NAV3: variants seen among roughly 807,000 people sequenced by gnomAD.
The protein encoded by NAV3 is pore membrane and/or filament interacting like protein 1.
NAV3 carries 87 observed loss-of-function variants against 244.7 expected under a neutral mutation model. The observed-to-expected ratio is 0.36, with a 90% confidence interval of 0.30 to 0.42. The LOEUF is 0.42. Among genes scored for constraint, NAV3 ranks in the 20% least tolerant of loss-of-function variants. The probability of loss-of-function intolerance (pLI) is 1.00; values close to 1 mark genes in which losing one functional copy is unlikely to be tolerated. For missense variants in NAV3, 2,663 were observed against 2,893.3 expected (o/e 0.92, Z 1.83); for synonymous variants, 1,126 against 1,042.2 (o/e 1.08, Z -1.55).
intron 2 of NAV3, among the ~76,000 whole-genome samples, chr12:77,822,020 AT>A (rs1192464773): frequency 6.6e-6 from 1 of 151,730 alleles, no homozygotes; most frequent in Non-Finnish European, 1.5e-5. Context: ...CCAGATGTGT[AT>A]TTTTTTTCAC....
chr12:77,838,171 T>C (rs956560034), intron 1 of NAV3, among the ~76,000 whole-genome samples: 2 of 152,258 alleles, frequency 1.3e-5, no homozygotes, highest in Admixed American at 1.3e-4. Context: ...GTTATAACTC[T>C]CCAGGTTTCA....
intron 22 of NAV3, among the ~76,000 whole-genome samples, chr12:78,155,028 A>C (rs184608629): frequency 1.1e-4 from 16 of 152,118 alleles, no homozygotes; most frequent in African/African-American, 3.9e-4. Context: ...TTTTTCTTCA[A>C]CTTTTAAGTT....
intron 2 of NAV3, among the ~76,000 whole-genome samples, chr12:77,629,240 A>G (rs1242362331): frequency 6.6e-6 from 1 of 152,236 alleles, no homozygotes; most frequent in Non-Finnish European, 1.5e-5. Context: ...ACTGGCTTGG[A>G]CATAAGTATT....
At chr12:77,900,580 G>C (rs761878022) in intron 1 of NAV3, among the ~76,000 whole-genome samples, 2 of 152,144 alleles carry the variant, frequency 1.3e-5, no homozygotes, top group African/African-American at 2.4e-5. Context: ...GTATGTGTGT[G>C]TGTGTGTGTA....
At chr12:77,599,631 G>GAT (rs1393180674) in intron 2 of NAV3, among the ~76,000 whole-genome samples, 1 of 151,624 alleles carries the variant, frequency 6.6e-6, no homozygotes, top group African/African-American at 2.4e-5. Context: ...ATATATGTGT[G>GAT]ATATATATGT....
At chr12:77,926,129 T>A (rs149882843) in intron 1 of NAV3, among the ~76,000 whole-genome samples, 327 of 152,296 alleles carry the variant, frequency 2.1e-3, no homozygotes, top group African/African-American at 7.5e-3. Flanking sequence ...TCACAGAGGC[T>A]CTTAAACACA....
chr12:77,666,348 A>T (rs528062263), intron 2 of NAV3, among the ~76,000 whole-genome samples: 1 of 152,274 alleles, frequency 6.6e-6, no homozygotes, highest in South Asian at 2.1e-4. Flanking sequence ...CATAGTAGAC[A>T]TGCAACAGAT....
At position 77,831,630 on chromosome 12, in the gene NAV3, G is replaced by A. The variant is rs2136078625; in HGVS notation, c.169G>A (p.Ala57Thr). The change falls in exon 1 of 40, where the codon GCG becomes ACG. Residue 57 changes from alanine to threonine, a missense_variant. This residue lies in a region of NAV3 where 1,521 missense variants were observed against 1,497.0 expected (regional missense o/e 1.02). Transcript: ENST00000397909. ...GAGCTCCATGCTTTCTTGTCAGCTT[G>A]CGTTAAAATCAACCTGTGAATTTGG... ...TESSMLSCQL[A>T]LKSTCEFGEK... 6.2e-7 allele frequency: 1 copy of A among 1,613,984 alleles called. No individual in the cohort carries two copies. Among genetic ancestry groups the A allele is most frequent in the Non-Finnish European group, 8.5e-7 (1 of 1,179,956 alleles).
chr12:78,005,261 A>C (rs1416714916), intron 7 of NAV3, among the ~76,000 whole-genome samples: 1 of 152,226 alleles, frequency 6.6e-6, no homozygotes, highest in Non-Finnish European at 1.5e-5. Flanking sequence ...ATTTGAAGCA[A>C]ACTGCTAAAC....
intron 26 of NAV3, 44 bp from the exon 27 acceptor site, chr12:78,177,097 C>T: frequency 6.2e-7 from 1 of 1,609,216 alleles, no homozygotes; most frequent in East Asian, 2.2e-5. Flanking sequence ...AAAAGCTCTC[C>T]AAGTGCAAAT....
intron 5 of NAV3, among the ~76,000 whole-genome samples, chr12:77,986,314 A>T (rs573822892): frequency 6.6e-6 from 1 of 152,340 alleles, no homozygotes; most frequent in South Asian, 2.1e-4. Context: ...GTGAGCCGAG[A>T]TCGTGCCACT....
At chr12:77,610,661 GA>G (rs1870870415) in intron 2 of NAV3, among the ~76,000 whole-genome samples, 2 of 151,992 alleles carry the variant, frequency 1.3e-5, no homozygotes, top group Non-Finnish European at 2.9e-5. Flanking sequence ...TCCATTTATT[GA>G]CACTCAGAAT....
intron 2 of NAV3, among the ~76,000 whole-genome samples, chr12:77,809,132 G>GCTAGA (rs1592702293): frequency 6.6e-6 from 1 of 152,210 alleles, no homozygotes; most frequent in Non-Finnish European, 1.5e-5. Flanking sequence ...GATCTGCTGA[G>GCTAGA]CTAGACCACT....
At chr12:78,098,718 G>GTT (rs139254152) in intron 12 of NAV3, among the ~76,000 whole-genome samples, 4 of 150,778 alleles carry the variant, frequency 2.7e-5, no homozygotes, top group Middle Eastern at 3.4e-3. Flanking sequence ...ATTTGAAACT[G>GTT]GTTTTTTTTT....
rs1593205973 is a variant in NAV3 at position 77,988,237 on chromosome 12, C to T, written c.672-6566C>T. ...TCTGAGGTTCTATATTTCTAACAAGCCCCAGGTGATGTCAGTGTTGTTGGT... is the reference window on the plus strand; with the variant it reads ...TCTGAGGTTCTATATTTCTAACAAGTCCCAGGTGATGTCAGTGTTGTTGGT... On this transcript the variant is annotated intron_variant, in intron 5 of 39. Coordinates refer to ENST00000397909, the MANE Select transcript of NAV3 (RefSeq NM_001024383.2). Among the ~76,000 whole-genome samples, 3 of 152,232 alleles carry T rather than the reference C, an allele frequency of 2.0e-5. 1 individual carries two copies. The highest frequency in any genetic ancestry group is 2.0e-4 in the Admixed American group (3 of 15,270).
chr12:78,097,785 C>G (rs973003869), intron 12 of NAV3, among the ~76,000 whole-genome samples: 2 of 152,106 alleles, frequency 1.3e-5, no homozygotes, highest in South Asian at 2.1e-4. Context: ...ACAGTTAGCT[C>G]TGTAACTAAG....
chr12:77,706,381 A>G (rs1372384430), intron 2 of NAV3, among the ~76,000 whole-genome samples: 1 of 151,380 alleles, frequency 6.6e-6, no homozygotes, highest in Non-Finnish European at 1.5e-5. Context: ...TTCCACATAA[A>G]AAGACTTTCT....
At chr12:78,088,134 C>T (rs990647371) in intron 12 of NAV3, among the ~76,000 whole-genome samples, 3 of 151,340 alleles carry the variant, frequency 2.0e-5, no homozygotes, top group Admixed American at 6.6e-5. Context: ...TTCTTATCCA[C>T]TTAACATAAT....
At chr12:77,828,478 A>G (rs1307492265), upstream of NAV3, among the ~76,000 whole-genome samples, 2 of 152,174 alleles carry the variant, frequency 1.3e-5, no homozygotes, top group African/African-American at 4.8e-5. Context: ...GGTCACCATC[A>G]CATCTGGTTT....
Sources: allele counts gnomAD v4.1 joint callset (sites outside exome capture counted in the v4.1 genomes callset), GRCh38; gene constraint gnomAD v4.1.1; regional missense constraint gnomAD v4.1.1; transcripts MANE v1.5; gene names NCBI Gene and HGNC (gene_info 2026-07-23, HGNC 2026-07-21).